Variants in LGI4 observed in about 807,000 individuals in gnomAD.
LGI4 encodes the protein leucine rich repeat LGI family member 4.
LGI4 carries 36 observed loss-of-function variants against 48.3 expected under a neutral mutation model. That is an observed-to-expected ratio of 0.75 (90% CI 0.57 to 0.98). The LOEUF is 0.98. LGI4 is among the 50% of genes least tolerant of loss of function. The pLI is 0.00. For missense variants in LGI4, 701 were observed against 732.1 expected (o/e 0.96, Z 0.49); for synonymous variants, 355 against 331.6 (o/e 1.07, Z -0.77).
Position 35,125,476 on chromosome 19 carries a change from A to T in LGI4, c.1331T>A (p.Leu444Gln). 3.8e-6 allele frequency: 6 copies of T among 1,583,950 alleles called. No individual in the cohort carries two copies. The highest frequency in any genetic ancestry group is 4.3e-6 in the Non-Finnish European group (5 of 1,162,940). ...ACCGCGCGAGGGAAGTTGCTGCAGC[A>T]GACGAAACATGGAGCCGTCCCAGCG... is the stretch of plus-strand genomic sequence containing the variant. ...VMRWDGSMFR[L>Q]LQQLPSRGAH... The change falls in exon 9 of 9, where the codon CTG (leucine) becomes CAG (glutamine). Residue 444 changes from leucine to glutamine, a missense_variant. Transcript: ENST00000310123.
intron 1 of LGI4, 74 bp downstream of exon 1, chr19:35,134,437 G>A (rs2065195655): frequency 6.8e-7 from 1 of 1,463,176 alleles, no homozygotes; most frequent in Non-Finnish European, 9.3e-7. Context: ...TGGAGACCCG[G>A]CACCACATCC....
intron 8 of LGI4, 52 bp from the exon 9 acceptor site, chr19:35,125,559 C>T (rs1482507603): frequency 4.2e-6 from 6 of 1,436,390 alleles, no homozygotes; most frequent in Middle Eastern, 1.8e-4. Flanking sequence ...CTCTGGGGGC[C>T]GTGGAACAGC....
At chr19:35,128,881 A>C (rs1327197852) in intron 6 of LGI4, among the ~76,000 whole-genome samples, 1 of 152,152 alleles carries the variant, frequency 6.6e-6, no homozygotes, top group East Asian at 1.9e-4. Context: ...ATGCTGCCTC[A>C]GGGCCACCGG....
rs952219426 is a variant in LGI4 at position 35,125,067 on chromosome 19, C to G, written c.*126G>C. On this transcript the variant is annotated 3_prime_UTR_variant, in exon 9 of 9. Coordinates refer to ENST00000310123, the MANE Select transcript of LGI4 (RefSeq NM_139284.3). ...TTAAGAAGTGGGCTTAAGGCCTAGA[C>G]GTGTGGCTGATGAACGTGGCCCACG... 64 of 758,600 alleles carry G rather than the reference C, an allele frequency of 8.4e-5. No individual in the cohort carries two copies. The African/African-American group carries it at 9.9e-4, about 12-fold the overall frequency. 47.0% of individuals were successfully genotyped at this position (758,600 alleles called of 1,614,324 possible). A position where few individuals can be genotyped will look rare whatever the true frequency, so the allele number is the denominator to read the frequency against.
In LGI4 at chr19:35,131,487, A is replaced by G. The variant is rs1196680472; in HGVS notation, c.527T>C (p.Val176Ala). The change falls in exon 6 of 9, where the codon GTG becomes GCG. Residue 176 changes from valine to alanine, a missense_variant. Transcript: ENST00000310123. ...VLWLLQWMPT[V>A]NASVGTGACA... ...GGCGCCGGTCCCCACGCTGGCATTC[A>G]CGGTGGGCATCCACTGCAGGAGCCA... 1.3e-6 allele frequency: 2 copies of G among 1,551,106 alleles called. No individual in the cohort carries two copies. Among genetic ancestry groups the G allele is most frequent in the Non-Finnish European group, 1.7e-6 (2 of 1,146,960 alleles).
At chr19:35,132,683 C>T (rs566044255) in intron 3 of LGI4, among the ~76,000 whole-genome samples, 4 of 152,122 alleles carry the variant, frequency 2.6e-5, no homozygotes, top group African/African-American at 9.7e-5. Context: ...TCATCATTAC[C>T]AAACTCCACA....
chr19:35,125,299 CG>C lies in LGI4; in HGVS notation c.1507del (p.Arg503ValfsTer66), dbSNP rs757796693. The part of the protein sequence containing the change: ...ELGPPALVAP[R>X]AFAHITMAGR... Reference sequence around the variant, plus strand: ...GGCCATAGTGATGTGGGCAAAGGCACGGGGGGCCACCAGGGCCGGAGGCCCC... The same window carrying C: ...GGCCATAGTGATGTGGGCAAAGGCACGGGGGCCACCAGGGCCGGAGGCCCC... On this transcript the variant is annotated frameshift_variant, in exon 9 of 9. Transcript: ENST00000310123. LOFTEE classifies it high-confidence loss of function. 5.6e-6 allele frequency: 9 copies of C among 1,610,722 alleles called. No individual in the cohort carries two copies. The highest frequency in any genetic ancestry group is 1.7e-5 in the Admixed American group (1 of 59,570).
At position 35,134,954 on chromosome 19, in the gene LGI4, C is replaced by G; in HGVS notation, c.-274G>C. The G allele has an allele frequency of 4.4e-6, 2 of 451,978 alleles. No homozygotes were observed. Among genetic ancestry groups the G allele is most frequent in the South Asian group, 7.6e-5 (2 of 26,184 alleles). 28.0% of individuals were successfully genotyped at this position (451,978 alleles called of 1,614,324 possible). A position where few individuals can be genotyped will look rare whatever the true frequency, so the allele number is the denominator to read the frequency against. On this transcript the variant is annotated 5_prime_UTR_variant, in exon 1 of 9. Transcript: ENST00000310123. ...TCTGTTTCTATTTCTGTCTTTGTCT[C>G]TCTTTCTGCCTGTTTCTTTTTTTCT...
Position 35,131,420 on chromosome 19 carries a change from G to A in LGI4, c.594C>T (p.His198=). 6.4e-7 allele frequency: 1 copy of A among 1,552,404 alleles called. No homozygotes were observed. Among genetic ancestry groups the A allele is most frequent in the Non-Finnish European group, 8.7e-7 (1 of 1,147,228 alleles). The change falls in exon 6 of 9, where the codon CAC becomes CAT. Residue 198 remains histidine, a synonymous_variant. Coordinates refer to ENST00000310123, the MANE Select transcript of LGI4 (RefSeq NM_139284.3). The stretch of plus-strand genomic sequence containing the variant: ...TGCACTTGAAAGTCTTGGGGTCGAG[G>A]TGGTGGAGCTGCATGTGGCTCAGGG... ...PASLSHMQLH[H]LDPKTFKCRA... is the part of the protein sequence containing the mutation.
At chr19:35,131,014 G>A (rs2065170610) in intron 6 of LGI4, 3 of 569,806 alleles carry the variant, frequency 5.3e-6, no homozygotes, top group Admixed American at 3.4e-5. Context: ...TATAGAAAAG[G>A]CGAGTCAATG....
At position 35,126,531 on chromosome 19, in the gene LGI4, G is replaced by T; in HGVS notation, c.1038C>A (p.Cys346Ter). The T allele has an allele frequency of 6.5e-7, 1 of 1,542,230 alleles. No individual in the cohort carries two copies. The highest frequency in any genetic ancestry group is 2.0e-5 in the Admixed American group (1 of 51,154). Residue 346 changes from cysteine (C) to a stop codon, truncating the protein, a stop_gained, in exon 8 of 9, where the codon TGC (cysteine) becomes TGA (stop). Transcript: ENST00000310123. LOFTEE classifies it high-confidence loss of function. ...ASKAGSTTLL[C>*]RDGPGFYPHQ... The stretch of plus-strand genomic sequence containing the variant: ...GCGGGTAAAAGCCGGGCCCGTCGCG[G>T]CACAGCAGCGTGGTGCTGCCCGCCT...
At position 35,134,785 on chromosome 19, in the gene LGI4, C is replaced by T. The variant is rs2065198773; in HGVS notation, c.-105G>A. ...AGGCCGCCCTCCATCCGCCTGCTGGCACGCTCGGCCCTGGCTTCTCTCTCC... is the reference window on the plus strand; with the variant it reads ...AGGCCGCCCTCCATCCGCCTGCTGGTACGCTCGGCCCTGGCTTCTCTCTCC... On this transcript the variant is annotated 5_prime_UTR_variant, in exon 1 of 9. Coordinates refer to ENST00000310123, the MANE Select transcript of LGI4 (RefSeq NM_139284.3). 1 of 612,862 alleles carries T rather than the reference C, an allele frequency of 1.6e-6. No individual in the cohort carries two copies. Among genetic ancestry groups the T allele is most frequent in the South Asian group, 2.0e-5 (1 of 50,066 alleles). The allele number at this position is 612,862 out of a possible 1,614,324, so 38.0% of individuals were successfully genotyped here.
intron 6 of LGI4, among the ~76,000 whole-genome samples, chr19:35,129,947 T>G (rs1303736542): frequency 1.3e-5 from 2 of 152,206 alleles, no homozygotes; most frequent in Non-Finnish European, 2.9e-5. Flanking sequence ...AGGTGAGACA[T>G]GCTGGCGGCA....
rs1205714145 is a variant in LGI4, at chr19:35,131,877, A to C, written c.387-17T>G. ...GCCAGGCTTCTGGTGGAGGAAGAGA[A>C]GGCACCGTCAGCAGCCACAAGGATA... On this transcript the variant is annotated splice_polypyrimidine_tract_variant and intron_variant, in intron 4 of 8. Coordinates refer to ENST00000310123, the MANE Select transcript of LGI4 (RefSeq NM_139284.3). 6.4e-7 allele frequency: 1 copy of C among 1,566,618 alleles called. No homozygotes were observed. Among genetic ancestry groups the C allele is most frequent in the Non-Finnish European group, 8.7e-7 (1 of 1,155,012 alleles).
rs1355938285 is a variant in LGI4 at position 35,134,062 on chromosome 19, G to A, written c.213C>T (p.Ser71=). ...RTGVTQLKAG[S]FLRIPSLHLL... is the part of the protein sequence containing the mutation. ...GGTGCAGAGACGGAATTCTCAGGAA[G>A]CTGCCGGCCTTCAGCTGGGTGACTC... Residue 71 remains serine, a synonymous_variant, in exon 2 of 9, where the codon AGC becomes AGT. Coordinates refer to ENST00000310123, the MANE Select transcript of LGI4 (RefSeq NM_139284.3). 4.5e-6 allele frequency: 7 copies of A among 1,566,002 alleles called. No individual in the cohort carries two copies. Among genetic ancestry groups the A allele is most frequent in the Non-Finnish European group, 6.1e-6 (7 of 1,154,742 alleles).
intron 1 of LGI4, among the ~76,000 whole-genome samples, 178 bp from the exon 2 acceptor site, chr19:35,134,282 C>G (rs1292013896): frequency 2.0e-5 from 3 of 152,242 alleles, no homozygotes. Flanking sequence ...CCTGACAGCA[C>G]TCAACCCTCC....
chr19:35,131,873 G>A lies in LGI4; in HGVS notation c.387-13C>T, dbSNP rs1439955748. On this transcript the variant is annotated splice_polypyrimidine_tract_variant and intron_variant, in intron 4 of 8. Transcript: ENST00000310123. ...ATTGGCCAGGCTTCTGGTGGAGGAA[G>A]AGAAGGCACCGTCAGCAGCCACAAG... 1 of 1,569,594 alleles carries A rather than the reference G, an allele frequency of 6.4e-7. No homozygotes were observed.
chr19:35,134,553 G>C lies in LGI4; in HGVS notation c.128C>G (p.Ser43Cys). 6.3e-7 allele frequency: 1 copy of C among 1,585,742 alleles called. No individual in the cohort carries two copies. Among genetic ancestry groups the C allele is most frequent in the Non-Finnish European group, 8.6e-7 (1 of 1,166,602 alleles). The change falls in exon 1 of 9, where the codon TCC (serine) becomes TGC (cysteine). Residue 43 changes from serine (S) to cysteine (C), a missense_variant. Physicochemically the swap from Ser to Cys is moderately radical, Grantham distance 112. Transcript: ENST00000310123. Reference protein sequence around the residue: ...CSKDSALCEGSPDLPVSFSPT... With the variant: ...CSKDSALCEGCPDLPVSFSPT... ...AGAGAAGCTGACGGGCAGGTCCGGG[G>C]AGCCCTCACACAGGGCGCTGTCTTT...
intron 8 of LGI4, chr19:35,126,067 T>G: frequency 1.6e-6 from 1 of 615,346 alleles, no homozygotes. Flanking sequence ...AGAATCAGGA[T>G]GTTGGGGCCA....
Sources: allele counts gnomAD v4.1 joint callset (sites outside exome capture counted in the v4.1 genomes callset), GRCh38; gene constraint gnomAD v4.1.1; transcripts MANE v1.5; gene names NCBI Gene and HGNC (gene_info 2026-07-23, HGNC 2026-07-21).